RAB27A: variants seen among roughly 807,000 people sequenced by gnomAD.
RAB27A encodes the protein ras-related protein Rab-27A.
A neutral mutation model predicts 20.8 loss-of-function variants in RAB27A; 17 were observed. The ratio of observed to expected loss-of-function variants is 0.82; its 90% CI spans 0.56 to 1.23. The LOEUF (loss-of-function observed/expected upper bound fraction) is 1.23, where lower values mean the gene tolerates loss of function less well. Among genes scored for constraint, RAB27A ranks in the 50% most tolerant of loss-of-function variants. The probability of loss-of-function intolerance (pLI) is 0.00; values close to 1 mark genes in which losing one functional copy is unlikely to be tolerated. For missense variants in RAB27A, 277 were observed against 266.7 expected (o/e 1.04, Z -0.27); for synonymous variants, 85 against 92.8 (o/e 0.92, Z 0.48).
intron 2 of RAB27A, chr15:55,259,889 A>G (rs1220824498): frequency 6.6e-6 from 1 of 152,180 alleles, no homozygotes; most frequent in Non-Finnish European, 1.5e-5. Context: ...ACCCTAAAAT[A>G]TAACTTCATA....
chr15:55,309,296 G>A (rs577556317), intron 2 of RAB27A, among the ~76,000 whole-genome samples: 18 of 152,314 alleles, frequency 1.2e-4, no homozygotes, highest in Admixed American at 5.2e-4. Context: ...CTCACTGAGG[G>A]CCCTGGTGCC....
At chr15:55,249,458 T>C (rs1896809069) in intron 2 of RAB27A, among the ~76,000 whole-genome samples, 1 of 152,130 alleles carries the variant, frequency 6.6e-6, no homozygotes, top group Non-Finnish European at 1.5e-5. Context: ...TTAATTCTTT[T>C]TGGAAGACAA....
intron 2 of RAB27A, among the ~76,000 whole-genome samples, chr15:55,266,901 G>A (rs1282375264): frequency 6.6e-6 from 1 of 152,148 alleles, no homozygotes; most frequent in Non-Finnish European, 1.5e-5. Flanking sequence ...ACAGACCTAG[G>A]GCTCACAAGA....
chr15:55,303,075 A>C (rs2054980544), intron 2 of RAB27A, among the ~76,000 whole-genome samples: 1 of 131,414 alleles, frequency 7.6e-6, no homozygotes, highest in African/African-American at 2.9e-5. Context: ...GCCATCCGGG[A>C]GGGAGGTGGG....
intron 1 of RAB27A, among the ~76,000 whole-genome samples, chr15:55,276,077 G>C (rs1047054026): frequency 1.4e-4 from 21 of 152,002 alleles, no homozygotes; most frequent in African/African-American, 3.9e-4. Context: ...TTTTTAAATA[G>C]AATACCATAG....
At chr15:55,258,049 A>G (rs1422619620) in intron 2 of RAB27A, among the ~76,000 whole-genome samples, 2 of 146,926 alleles carry the variant, frequency 1.4e-5, no homozygotes, top group Non-Finnish European at 3.0e-5. Context: ...CCTGGGCGAT[A>G]CAGCGAGACT....
intron 5 of RAB27A, among the ~76,000 whole-genome samples, chr15:55,227,212 T>C (rs990996367): frequency 1.3e-5 from 2 of 152,220 alleles, no homozygotes; most frequent in African/African-American, 4.8e-5. Flanking sequence ...TTAGCCAGGA[T>C]AGGCAATATT....
At position 55,241,759 on chromosome 15, in the gene RAB27A, G is replaced by C. The variant is rs191172227; in HGVS notation, c.-22-6803C>G. On this transcript the variant is annotated intron_variant, in intron 2 of 6. Transcript: ENST00000336787. ...GGAGTTCAAGGCTGCAGTAAGATATGCTCACATCACTACATTGTAGCCTGG... is the reference window on the plus strand; with the variant it reads ...GGAGTTCAAGGCTGCAGTAAGATATCCTCACATCACTACATTGTAGCCTGG... Among the ~76,000 whole-genome samples the C allele has an allele frequency of 2.1e-3, 318 of 150,786 alleles. 2 individuals carry two copies. The highest frequency in any genetic ancestry group is 7.6e-3 in the African/African-American group (309 of 40,832).
chr15:55,216,868 G>C (rs1044133395), intron 6 of RAB27A, among the ~76,000 whole-genome samples: 2 of 152,132 alleles, frequency 1.3e-5, no homozygotes, highest in African/African-American at 2.4e-5. Context: ...CAATCTTCAT[G>C]AAATGCTGGA....
At chr15:55,234,698 C>T (rs1384440135) in intron 3 of RAB27A, 84 bp downstream of exon 3, 2 of 1,427,470 alleles carry the variant, frequency 1.4e-6, no homozygotes, top group Non-Finnish European at 2.0e-6. Flanking sequence ...CCTTTGTCCT[C>T]CTAATTCCTA....
chr15:55,210,077 C>CACATATATGTGTGTGT (rs1894914483), intron 6 of RAB27A, among the ~76,000 whole-genome samples: 7 of 83,212 alleles, frequency 8.4e-5, no homozygotes, highest in Admixed American at 3.8e-4. Context: ...TGTACATATA[C>CACATATATGTGTGTGT]ATATATACAC....
At chr15:55,259,734 C>G (rs539996293) in intron 2 of RAB27A, among the ~76,000 whole-genome samples, 2 of 152,078 alleles carry the variant, frequency 1.3e-5, no homozygotes, top group South Asian at 2.1e-4. Flanking sequence ...TATATACAAT[C>G]GTCATAGCAC....
intron 2 of RAB27A, among the ~76,000 whole-genome samples, chr15:55,253,690 C>G (rs1896979690): frequency 6.6e-6 from 1 of 151,088 alleles, no homozygotes; most frequent in South Asian, 2.1e-4. Context: ...AACATAAGGG[C>G]TAAAATAAGC....
At chr15:55,217,581 C>T (rs1014207349) in intron 6 of RAB27A, among the ~76,000 whole-genome samples, 5 of 137,382 alleles carry the variant, frequency 3.6e-5, no homozygotes, top group African/African-American at 1.4e-4. Context: ...AGGAGAATCG[C>T]TTGAACCTGG....
At chr15:55,255,271 C>A (rs1897037057) in intron 2 of RAB27A, among the ~76,000 whole-genome samples, 2 of 152,208 alleles carry the variant, frequency 1.3e-5, no homozygotes, top group African/African-American at 2.4e-5. Flanking sequence ...GAAGCCTGTT[C>A]TCATAAATCC....
At position 55,234,686 on chromosome 15, in the gene RAB27A, A is replaced by G. The variant is rs190085522; in HGVS notation, c.153+96T>C. ...ATATGTACCTTTAATTTCAGATCCC[A>G]ACCTTTGTCCTCCTAATTCCTACAA... On this transcript the variant is annotated intron_variant, in intron 3 of 6. Coordinates refer to ENST00000336787, the MANE Select transcript of RAB27A (RefSeq NM_183235.3). 277 of 1,350,994 alleles carry G rather than the reference A, an allele frequency of 2.1e-4. 1 individual carries two copies. The African/African-American group carries it at 3.6e-3, about 17-fold the overall frequency. 83.7% of individuals were successfully genotyped at this position (1,350,994 alleles called of 1,614,324 possible).
chr15:55,296,498 C>T (rs987830115), intron 2 of RAB27A, among the ~76,000 whole-genome samples: 11 of 151,796 alleles, frequency 7.2e-5, no homozygotes, highest in African/African-American at 2.7e-4. Flanking sequence ...AGCAAGACTC[C>T]ATCTCAAAAA....
At chr15:55,283,458 C>T (rs1185343684) in intron 1 of RAB27A, among the ~76,000 whole-genome samples, 3 of 152,162 alleles carry the variant, frequency 2.0e-5, no homozygotes, top group Non-Finnish European at 2.9e-5. Context: ...AATACCACAA[C>T]CCACTTCACT....
chr15:55,292,724 A>ATCCAAGT (rs2141139523), upstream of RAB27A, among the ~76,000 whole-genome samples: 1 of 152,346 alleles, frequency 6.6e-6, no homozygotes, highest in South Asian at 2.1e-4. Flanking sequence ...CCAACAGAAT[A>ATCCAAGT]TCCAAGTGAA....
Sources: allele counts gnomAD v4.1 joint callset (sites outside exome capture counted in the v4.1 genomes callset), GRCh38; gene constraint gnomAD v4.1.1; transcripts MANE v1.5; gene names NCBI Gene and HGNC (gene_info 2026-07-23, HGNC 2026-07-21).